AFF1: variants seen among roughly 807,000 people sequenced by gnomAD.
AFF1 encodes AF4/FMR2 family member 1.
In AFF1, 48 loss-of-function variants were observed where a neutral mutation model predicts 121.7. That is an observed-to-expected ratio of 0.39 (90% CI 0.31 to 0.50). The LOEUF (loss-of-function observed/expected upper bound fraction) is 0.50. Ranked by LOEUF, AFF1 falls within the 20% of genes least tolerant of loss-of-function variation. AFF1 has a pLI of 0.76. For synonymous variants in AFF1, 613 were observed against 563.0 expected, an observed-to-expected ratio of 1.09 and a Z score of -1.26; for missense variants, 1,523 against 1,511.7, an observed-to-expected ratio of 1.01 and a Z score of -0.12.
intron 4 of AFF1, among the ~76,000 whole-genome samples, chr4:87,059,328 G>C (rs960952068): frequency 3.9e-5 from 6 of 152,158 alleles, no homozygotes; most frequent in South Asian, 2.1e-4. Flanking sequence ...TTCACACACA[G>C]AATGTTCTCC....
intron 8 of AFF1, among the ~76,000 whole-genome samples, chr4:87,101,534 G>A (rs1310661183): frequency 6.6e-6 from 1 of 151,972 alleles, no homozygotes; most frequent in Non-Finnish European, 1.5e-5. Context: ...AGCCATAATG[G>A]TGCCACTGCA....
At position 86,948,243 on chromosome 4, in the gene AFF1, C is replaced by T. The variant is rs563032560; in HGVS notation, c.-36-255C>T. On this transcript the variant is annotated intron_variant, in intron 1 of 20. Transcript: ENST00000395146. ...TGGTATTTCCTTTTCTCCTCCCCCT[C>T]CTCCTTATGGTAAACTTGTGCACAT... Among the ~76,000 whole-genome samples the T allele has an allele frequency of 7.9e-5, 12 of 152,248 alleles. No homozygotes were observed. The South Asian group carries it at 2.1e-3, about 26-fold the overall frequency.
At chr4:87,014,126 TA>T (rs57230540) in intron 2 of AFF1, among the ~76,000 whole-genome samples, 3 of 150,730 alleles carry the variant, frequency 2.0e-5, no homozygotes, top group African/African-American at 4.9e-5. Context: ...GCGTCTGTGT[TA>T]AAAAAAAAAT....
intron 6 of AFF1, among the ~76,000 whole-genome samples, chr4:87,090,430 T>G (rs371920061): frequency 8.7e-4 from 133 of 152,338 alleles, no homozygotes; most frequent in African/African-American, 3.0e-3. Flanking sequence ...TATCTCACAC[T>G]CCCTACATTT....
At chr4:86,984,897 G>T (rs1203738707) in intron 2 of AFF1, among the ~76,000 whole-genome samples, 1 of 151,796 alleles carries the variant, frequency 6.6e-6, no homozygotes, top group Non-Finnish European at 1.5e-5. Flanking sequence ...ATTCCAGCCT[G>T]GCAGCAGAAT....
At chr4:87,012,674 T>A (rs1234302756) in intron 2 of AFF1, among the ~76,000 whole-genome samples, 1 of 152,236 alleles carries the variant, frequency 6.6e-6, no homozygotes, top group Admixed American at 6.5e-5. Context: ...GCAGGTAGAA[T>A]GCACAGTGTC....
In AFF1 at chr4:87,115,159, C is replaced by T; in HGVS notation, c.2326C>T (p.Leu776=). ...QSLMVKITLD[L]LSRIPQPPGK... is the part of the protein sequence containing the mutation. ...CTTGATGGTGAAGATCACCCTAGAC[C>T]TGCTCTCTCGGATACCCCAGCCTCC... The change falls in exon 12 of 21, where the codon CTG becomes TTG. Residue 776 remains leucine, a synonymous_variant. Transcript: ENST00000395146. 1 of 1,614,232 alleles carries T rather than the reference C, an allele frequency of 6.2e-7. No homozygotes were observed. The highest frequency in any genetic ancestry group is 8.5e-7 in the Non-Finnish European group (1 of 1,180,050).
At position 86,969,879 on chromosome 4, in the gene AFF1, C is replaced by CAAAAAAAAAAAAAAAAAAAA. The variant is rs70953629; in HGVS notation, c.38+21326_38+21327insAAAAAAAAAAAAAAAAAAAA. On this transcript the variant is annotated intron_variant, in intron 2 of 20. Transcript: ENST00000395146. ...TGGGCGGAAGAGCGAGACTCCGTCT[C>CAAAAAAAAAAAAAAAAAAAA]AAAAAAAAAAAAAAAAAAGGTAAGA... 5.9e-3 allele frequency among the ~76,000 whole-genome samples: 378 copies of CAAAAAAAAAAAAAAAAAAAA among 63,566 alleles called. 51 individuals carry two copies. Among genetic ancestry groups the CAAAAAAAAAAAAAAAAAAAA allele is most frequent in the East Asian group, 0.012 (30 of 2,536 alleles). The allele number at this position is 63,566 out of a possible 152,430, so 41.7% of individuals were successfully genotyped here. A position where few individuals can be genotyped will look rare whatever the true frequency, so the allele number is the denominator to read the frequency against.
intron 11 of AFF1, among the ~76,000 whole-genome samples, chr4:87,108,880 G>A (rs919058171): frequency 6.6e-6 from 1 of 152,178 alleles, no homozygotes; most frequent in Non-Finnish European, 1.5e-5. Flanking sequence ...GTAAAACAGG[G>A]ACGATGGTGT....
At chr4:86,979,689 T>C (rs1012754809) in intron 2 of AFF1, among the ~76,000 whole-genome samples, 1 of 152,204 alleles carries the variant, frequency 6.6e-6, no homozygotes, top group Non-Finnish European at 1.5e-5. Flanking sequence ...AAATGAAAAC[T>C]ACATTTAGCT....
intron 16 of AFF1, among the ~76,000 whole-genome samples, 162 bp from the exon 17 acceptor site, chr4:87,130,921 C>A (rs1358406696): frequency 6.6e-6 from 1 of 152,194 alleles, no homozygotes; most frequent in Non-Finnish European, 1.5e-5. Flanking sequence ...CAGGTCATAG[C>A]TGACAGGCTT....
chr4:87,124,066 A>T (rs908818809), intron 12 of AFF1, among the ~76,000 whole-genome samples: 2 of 152,212 alleles, frequency 1.3e-5, no homozygotes, highest in Non-Finnish European at 2.9e-5. Context: ...GGGAGTCTGC[A>T]TGTCAGACTC....
intron 4 of AFF1, among the ~76,000 whole-genome samples, chr4:87,063,938 G>T (rs1224592751): frequency 1.3e-5 from 2 of 152,198 alleles, no homozygotes; most frequent in African/African-American, 4.8e-5. Flanking sequence ...TGGTTTGCTG[G>T]TGTTTCACAG....
Position 87,108,312 on chromosome 4 carries a change from G to A in AFF1, c.1530G>A (p.Pro510=), listed in dbSNP as rs553902051. The A allele has an allele frequency of 5.8e-5, 93 of 1,612,606 alleles. No homozygotes were observed. In the East Asian group the frequency reaches 6.9e-4, roughly 12 times the overall value. The change falls in exon 11 of 21, where the codon CCG becomes CCA. Residue 510 remains proline (P), a synonymous_variant. Transcript: ENST00000395146. ...ATGAGCCCCTAGAAACCCCAGCTCC[G>A]GAGGTACCGTGTTCCCCCTCGAGAT... ...EENEPLETPA[P]EPEPPTTNKW... is the part of the protein sequence containing the mutation.
intron 5 of AFF1, among the ~76,000 whole-genome samples, chr4:87,086,373 T>C (rs1051934656): frequency 6.6e-6 from 1 of 152,196 alleles, no homozygotes; most frequent in African/African-American, 2.4e-5. Flanking sequence ...AATGGTGGTA[T>C]TACAGCACCA....
chr4:87,131,679 G>A (rs1728841911), intron 17 of AFF1, 114 bp from the exon 18 acceptor site: 1 of 933,676 alleles, frequency 1.1e-6, no homozygotes, highest in African/African-American at 1.7e-5. Flanking sequence ...TTTTTCCTGT[G>A]ATGCTCTCAT....
chr4:87,037,238 A>T (rs1729656718), intron 2 of AFF1, among the ~76,000 whole-genome samples: 1 of 152,190 alleles, frequency 6.6e-6, no homozygotes. Context: ...GAATTTAAAA[A>T]CAACGTTAAC....
intron 5 of AFF1, among the ~76,000 whole-genome samples, chr4:87,089,357 A>G (rs1724068600): frequency 1.3e-5 from 2 of 152,202 alleles, no homozygotes; most frequent in South Asian, 2.1e-4. Context: ...AGTTTTAGAA[A>G]TCTTTCCTTC....
chr4:86,951,073 T>C (rs1721265962), intron 2 of AFF1, among the ~76,000 whole-genome samples: 1 of 152,236 alleles, frequency 6.6e-6, no homozygotes, highest in Non-Finnish European at 1.5e-5. Flanking sequence ...AAAGAAATTA[T>C]CTGCCAGTGT....
Sources: gnomAD v4.1 joint callset for allele counts (sites outside exome capture counted in the v4.1 genomes callset) on GRCh38, gnomAD v4.1.1 for gene constraint, MANE v1.5 for transcripts, NCBI Gene and HGNC (gene_info 2026-07-23, HGNC 2026-07-21) for gene names.